Variants in GPR26 observed in about 807,000 individuals in gnomAD.
The protein encoded by GPR26 is G protein-coupled receptor 26.
Under a neutral mutation model 23.1 loss-of-function variants are expected in GPR26, and 15 were observed. The ratio of observed to expected loss-of-function variants is 0.65; its 90% CI spans 0.43 to 1.00. GPR26 has a LOEUF of 1.00. GPR26 is among the 50% of genes least tolerant of loss of function. GPR26 has a pLI of 0.00. For synonymous variants in GPR26, 228 were observed against 222.1 expected (o/e 1.03, Z -0.24); for missense variants, 359 against 470.5 (o/e 0.76, Z 2.19).
chr10:123,675,833 C>CGTGTGTGT (rs56201657), intron 2 of GPR26, among the ~76,000 whole-genome samples: 4,155 of 134,006 alleles, frequency 0.031, 152 homozygotes, highest in East Asian at 0.11. Context: ...TGTGTGTGTA[C>CGTGTGTGT]GTGTGTGTGT....
rs568092993 is a variant in GPR26 at position 123,695,435 on chromosome 10, C to A, written c.*7275C>A. The stretch of plus-strand genomic sequence containing the variant: ...GCCCATGATTTGATGGTTTCAAGAG[C>A]CTAAAATCTGTATTTGGAGAGAGGA... On this transcript the variant is annotated 3_prime_UTR_variant, in exon 3 of 3. Transcript: ENST00000284674. Among the ~76,000 whole-genome samples, 3 of 152,202 alleles carry A rather than the reference C, an allele frequency of 2.0e-5. No individual in the cohort carries two copies. Among genetic ancestry groups the A allele is most frequent in the African/African-American group, 7.2e-5 (3 of 41,532 alleles).
At chr10:123,670,044 C>T (rs973136430) in intron 1 of GPR26, among the ~76,000 whole-genome samples, 1 of 152,188 alleles carries the variant, frequency 6.6e-6, no homozygotes, top group Non-Finnish European at 1.5e-5. Flanking sequence ...GGACCTTGCT[C>T]TTCCCTGACT....
Position 123,693,872 on chromosome 10 carries a change from GAC to G in GPR26, c.*5718_*5719del, listed in dbSNP as rs1845515538. ...TGCATCAGGAGAAAGAAGCGGCTAGGACACACAGTGGCTTCGCTCAGCCTGGC... is the reference window on the plus strand; with the variant it reads ...TGCATCAGGAGAAAGAAGCGGCTAGGACACAGTGGCTTCGCTCAGCCTGGC... On this transcript the variant is annotated 3_prime_UTR_variant, in exon 3 of 3. Transcript: ENST00000284674. 6.6e-6 allele frequency: 1 copy of G among 152,286 alleles called. No homozygotes were observed. The highest frequency in any genetic ancestry group is 1.5e-5 in the Non-Finnish European group (1 of 68,092). 9.4% of individuals were successfully genotyped at this position (152,286 alleles called of 1,614,324 possible).
chr10:123,673,579 C>T (rs1845274274), intron 1 of GPR26, among the ~76,000 whole-genome samples: 1 of 152,166 alleles, frequency 6.6e-6, no homozygotes, highest in South Asian at 2.1e-4. Flanking sequence ...GCTCTTGATT[C>T]CATCCTCAAA....
intron 2 of GPR26, among the ~76,000 whole-genome samples, chr10:123,683,368 T>C (rs1445497678): frequency 1.3e-5 from 2 of 152,240 alleles, no homozygotes; most frequent in Non-Finnish European, 2.9e-5. Context: ...TGAGATGGTC[T>C]CTGTGAAGCA....
At chr10:123,680,621 C>T (rs1428050616) in intron 2 of GPR26, among the ~76,000 whole-genome samples, 1 of 152,178 alleles carries the variant, frequency 6.6e-6, no homozygotes, top group African/African-American at 2.4e-5. Flanking sequence ...AATCAAAACC[C>T]ACCAAGGCAG....
rs780657449 is a variant in GPR26 at position 123,666,695 on chromosome 10, C to T, written c.288C>T (p.Ser96=). The T allele has an allele frequency of 6.3e-7, 1 of 1,599,386 alleles. No individual in the cohort carries two copies. The highest frequency in any genetic ancestry group is 1.1e-5 in the South Asian group (1 of 90,510). Reference sequence around the variant, plus strand: ...TCCTGGCTGCCAACTCCATGCTCAGCATGGCCGCGCTCAGCATCGACCGCT... The same window carrying T: ...TCCTGGCTGCCAACTCCATGCTCAGTATGGCCGCGCTCAGCATCGACCGCT... ...DTFLAANSML[S]MAALSIDRWV... Residue 96 remains serine, a synonymous_variant, in exon 1 of 3, where the codon AGC becomes AGT. Transcript: ENST00000284674.
chr10:123,680,838 G>GGGT (rs1564732146), intron 2 of GPR26, among the ~76,000 whole-genome samples: 6 of 95,324 alleles, frequency 6.3e-5, no homozygotes, highest in East Asian at 8.1e-4. Context: ...GGGGGGGGGG[G>GGGT]TTGTTTTTTT....
At position 123,695,538 on chromosome 10, in the gene GPR26, G is replaced by A. The variant is rs969454727; in HGVS notation, c.*7378G>A. The stretch of plus-strand genomic sequence containing the variant: ...TCAGTCTTATCCCGGACAATCCTCA[G>A]GGATTGGGTTTGATGTCGGGGGAGC... On this transcript the variant is annotated 3_prime_UTR_variant, in exon 3 of 3. Transcript: ENST00000284674. Among the ~76,000 whole-genome samples the A allele has an allele frequency of 1.3e-5, 2 of 152,252 alleles. No individual in the cohort carries two copies. The highest frequency in any genetic ancestry group is 3.9e-4 in the East Asian group (2 of 5,176).
In GPR26 at chr10:123,667,123, G is replaced by A. The variant is rs368098762; in HGVS notation, c.668+48G>A. Reference sequence around the variant, plus strand: ...TCTGGGAACAGCCGCGCGGGATCTCGGCGGGAGTGGGAGGTCCCTAGCCCC... The same window carrying A: ...TCTGGGAACAGCCGCGCGGGATCTCAGCGGGAGTGGGAGGTCCCTAGCCCC... On this transcript the variant is annotated intron_variant, in intron 1 of 2. Coordinates refer to ENST00000284674, the MANE Select transcript of GPR26 (RefSeq NM_153442.4). The A allele has an allele frequency of 1.3e-5, 18 of 1,359,996 alleles. No individual in the cohort carries two copies. The East Asian group carries it at 3.3e-4, about 25-fold the overall frequency. The allele number at this position is 1,359,996 out of a possible 1,614,324, so 84.2% of individuals were successfully genotyped here.
intron 1 of GPR26, among the ~76,000 whole-genome samples, chr10:123,671,555 C>T (rs530197591): frequency 1.3e-5 from 2 of 152,200 alleles, no homozygotes; most frequent in African/African-American, 2.4e-5. Flanking sequence ...CACACATGCT[C>T]GCACTCTGAC....
At position 123,684,472 on chromosome 10, in the gene GPR26, G is replaced by A. The variant is rs1408161071; in HGVS notation, c.783-3457G>A. Among the ~76,000 whole-genome samples, 5 of 152,306 alleles carry A rather than the reference G, an allele frequency of 3.3e-5. No homozygotes were observed. In the East Asian group the frequency reaches 9.7e-4, roughly 29 times the overall value. On this transcript the variant is annotated intron_variant, in intron 2 of 2. Coordinates refer to ENST00000284674, the MANE Select transcript of GPR26 (RefSeq NM_153442.4). ...TTGGTTTGCTAGGGCTGCCGTAACAGAGTACCGCAAACCGAGCGGCTCTAA... is the reference window on the plus strand; with the variant it reads ...TTGGTTTGCTAGGGCTGCCGTAACAAAGTACCGCAAACCGAGCGGCTCTAA...
In GPR26 at chr10:123,674,477, G is replaced by A. The variant is rs188788570; in HGVS notation, c.669-341G>A. On this transcript the variant is annotated intron_variant, in intron 1 of 2. Coordinates refer to ENST00000284674, the MANE Select transcript of GPR26 (RefSeq NM_153442.4). This position sits in a 1 kb window ranked among gnomAD's most constrained non-coding sequence, Gnocchi z 4.1. ...TTTGTACTGACTTGGGCACTGTGCC[G>A]GTGGCTTTGTGTGCTTCACACATGG... Among the ~76,000 whole-genome samples, 241 of 152,300 alleles carry A rather than the reference G, an allele frequency of 1.6e-3. 1 individual carries two copies. Among genetic ancestry groups the A allele is most frequent in the Non-Finnish European group, 2.5e-3 (171 of 68,030 alleles).
At position 123,696,043 on chromosome 10, in the gene GPR26, C is replaced by T. The variant is rs1448907720; in HGVS notation, c.*7883C>T. 4.6e-5 allele frequency among the ~76,000 whole-genome samples: 7 copies of T among 152,200 alleles called. No homozygotes were observed. The highest frequency in any genetic ancestry group is 1.0e-4 in the Non-Finnish European group (7 of 68,044). On this transcript the variant is annotated 3_prime_UTR_variant, in exon 3 of 3. Transcript: ENST00000284674. ...CAGAATAGGCCAGATTTAATTTTCA[C>T]AGGCTCATCTGGGAGAAGGATCAAA...
At chr10:123,675,944 C>A (rs1481834993) in intron 2 of GPR26, among the ~76,000 whole-genome samples, 1 of 152,012 alleles carries the variant, frequency 6.6e-6, no homozygotes, top group Non-Finnish European at 1.5e-5. Context: ...GAGGGGCACC[C>A]CTGCCTCACC....
intron 1 of GPR26, among the ~76,000 whole-genome samples, chr10:123,667,543 G>T (rs1042578851): frequency 6.8e-6 from 1 of 147,394 alleles, no homozygotes; most frequent in Non-Finnish European, 1.5e-5. Flanking sequence ...GGTGTGTGGC[G>T]CTGCCTCTGT....
intron 2 of GPR26, among the ~76,000 whole-genome samples, chr10:123,675,349 G>A (rs1252301786): frequency 1.3e-5 from 2 of 152,146 alleles, no homozygotes; most frequent in African/African-American, 4.8e-5. Context: ...TCCCCAACCT[G>A]AACACCCAGG....
intron 1 of GPR26, among the ~76,000 whole-genome samples, chr10:123,670,954 C>A (rs781083588): frequency 6.6e-6 from 1 of 152,162 alleles, no homozygotes; most frequent in African/African-American, 2.4e-5. Flanking sequence ...GGATGAGGGA[C>A]TCTTAATGTG....
chr10:123,668,048 G>A (rs559652896), intron 1 of GPR26, among the ~76,000 whole-genome samples: 1 of 152,266 alleles, frequency 6.6e-6, no homozygotes, highest in Non-Finnish European at 1.5e-5. Flanking sequence ...CTAGATAAGG[G>A]GGTGCTGGGG....
Sources: allele counts gnomAD v4.1 joint callset (sites outside exome capture counted in the v4.1 genomes callset), GRCh38; gene constraint gnomAD v4.1.1; non-coding constraint Gnocchi (gnomAD v3.1); transcripts MANE v1.5; gene names NCBI Gene and HGNC (gene_info 2026-07-23, HGNC 2026-07-21).